The following SH2D4A variants were observed in gnomAD, a reference collection of about 807,000 sequenced individuals.
SH2D4A encodes SH2 domain-containing protein 4A.
In SH2D4A, 70 loss-of-function variants were observed where a neutral mutation model predicts 64.7. That is an observed-to-expected ratio of 1.08 (90% CI 0.89 to 1.32). The LOEUF (loss-of-function observed/expected upper bound fraction) is 1.32. SH2D4A is among the 40% of genes most tolerant of loss of function. The probability of loss-of-function intolerance (pLI) is 0.00; values close to 1 mark genes in which losing one functional copy is unlikely to be tolerated. For missense variants in SH2D4A, 706 were observed against 540.1 expected, an observed-to-expected ratio of 1.31 and a Z score of -3.04; for synonymous variants, 268 against 200.7, an observed-to-expected ratio of 1.34 and a Z score of -2.83.
chr8:19,319,878 A>G (rs974215821), intron 2 of SH2D4A, 150 bp downstream of exon 2: 8 of 694,458 alleles, frequency 1.2e-5, no homozygotes, highest in African/African-American at 1.8e-5. Flanking sequence ...ATAGTGCAGT[A>G]TGTCCACCTG....
At chr8:19,314,337 G>A (rs938099508) in intron 1 of SH2D4A, among the ~76,000 whole-genome samples, 3 of 152,154 alleles carry the variant, frequency 2.0e-5, no homozygotes, top group Admixed American at 6.5e-5. Context: ...AACGGTGGCA[G>A]CTGGCGCAGC....
rs1379484545 is a variant in SH2D4A, at chr8:19,395,572, G to C, written c.*930G>C. The C allele has an allele frequency of 6.6e-6, 1 of 152,212 alleles. No homozygotes were observed. Among genetic ancestry groups the C allele is most frequent in the Non-Finnish European group, 1.5e-5 (1 of 68,074 alleles). 9.4% of individuals were successfully genotyped at this position (152,212 alleles called of 1,614,324 possible). The stretch of plus-strand genomic sequence containing the variant: ...CCAAATCCAATGACTGGCATCCTTA[G>C]GAGAAGAGAGAGTTTTGGTAATAGA... On this transcript the variant is annotated 3_prime_UTR_variant, in exon 10 of 10. Transcript: ENST00000265807.
chr8:19,329,652 G>A (rs2052340006), intron 2 of SH2D4A, among the ~76,000 whole-genome samples: 1 of 152,198 alleles, frequency 6.6e-6, no homozygotes, highest in South Asian at 2.1e-4. Flanking sequence ...GGGACCTGGT[G>A]GGAGGCAATT....
Position 19,355,047 on chromosome 8 carries a change from GA to G in SH2D4A, c.514-2149del, listed in dbSNP as rs1440712170. 3.3e-5 allele frequency among the ~76,000 whole-genome samples: 5 copies of G among 152,132 alleles called. No homozygotes were observed. The East Asian group carries it at 9.7e-4, about 29-fold the overall frequency. Reference sequence around the variant, plus strand: ...GTATCCTTTTATAATATTAAAATGAGAAAAAAATGAAAGTATGATAAGTAGC... The same window carrying G: ...GTATCCTTTTATAATATTAAAATGAGAAAAAATGAAAGTATGATAAGTAGC... On this transcript the variant is annotated intron_variant, in intron 4 of 9. Transcript: ENST00000265807.
At chr8:19,323,779 T>C (rs1239179029) in intron 2 of SH2D4A, among the ~76,000 whole-genome samples, 1 of 152,222 alleles carries the variant, frequency 6.6e-6, no homozygotes, top group Non-Finnish European at 1.5e-5. Context: ...CAGCATTCAA[T>C]ACGCTTAACT....
chr8:19,323,260 A>G (rs1032228561), intron 2 of SH2D4A, among the ~76,000 whole-genome samples: 2 of 152,156 alleles, frequency 1.3e-5, no homozygotes, highest in Non-Finnish European at 2.9e-5. Context: ...CGGATTTCAA[A>G]GACTTGGTAG....
chr8:19,338,920 A>T lies in SH2D4A; in HGVS notation c.513+4063A>T, dbSNP rs538072369. ...TAGGATAGACGTATATATGAAAGGGAGTTTATTAAGGAGTATTGACTCACA... is the reference window on the plus strand; with the variant it reads ...TAGGATAGACGTATATATGAAAGGGTGTTTATTAAGGAGTATTGACTCACA... On this transcript the variant is annotated intron_variant, in intron 4 of 9. Coordinates refer to ENST00000265807, the MANE Select transcript of SH2D4A (RefSeq NM_022071.4). Among the ~76,000 whole-genome samples the T allele has an allele frequency of 1.4e-4, 21 of 152,244 alleles. No homozygotes were observed. The East Asian group carries it at 3.5e-3, about 25-fold the overall frequency.
intron 4 of SH2D4A, among the ~76,000 whole-genome samples, chr8:19,351,490 C>T (rs2052704067): frequency 6.6e-6 from 1 of 152,048 alleles, no homozygotes; most frequent in South Asian, 2.1e-4. Context: ...GTAGTCCCAG[C>T]TACTCGGGAG....
chr8:19,329,276 T>C (rs2052333159), intron 2 of SH2D4A, among the ~76,000 whole-genome samples: 1 of 152,218 alleles, frequency 6.6e-6, no homozygotes, highest in East Asian at 1.9e-4. Context: ...CTCACTGGAC[T>C]TAGTAGAAAA....
rs1585154051 is a variant in SH2D4A at position 19,334,394 on chromosome 8, G to C, written c.342-292G>C. Among the ~76,000 whole-genome samples, 5 of 152,282 alleles carry C rather than the reference G, an allele frequency of 3.3e-5. No homozygotes were observed. The East Asian group carries it at 9.7e-4, about 29-fold the overall frequency. On this transcript the variant is annotated intron_variant, in intron 3 of 9. Transcript: ENST00000265807. ...TAGGTTAACTTCTAAACCAGGAGTT[G>C]AGCAGACCAGGGTTCAGATCTTGGC...
At chr8:19,330,908 G>C (rs548603526) in intron 2 of SH2D4A, among the ~76,000 whole-genome samples, 3 of 152,322 alleles carry the variant, frequency 2.0e-5, no homozygotes, top group South Asian at 2.1e-4. Context: ...CAAACCATCT[G>C]GCATTATGTC....
chr8:19,355,593 C>A (rs2052779640), intron 4 of SH2D4A, among the ~76,000 whole-genome samples: 1 of 152,190 alleles, frequency 6.6e-6, no homozygotes, highest in Admixed American at 6.5e-5. Context: ...GTGGAAAAAG[C>A]ATAAACTCTG....
Position 19,373,516 on chromosome 8 carries a change from T to G in SH2D4A, c.918-14T>G, listed in dbSNP as rs1394258074. 1 of 1,564,276 alleles carries G rather than the reference T, an allele frequency of 6.4e-7. No homozygotes were observed. The stretch of plus-strand genomic sequence containing the variant: ...TTAGTTAAATCTAACTTGAAAAACT[T>G]TTATAAATAACAGAAATCAGGGAGT... On this transcript the variant is annotated splice_polypyrimidine_tract_variant and intron_variant, in intron 7 of 9. Transcript: ENST00000265807.
intron 4 of SH2D4A, among the ~76,000 whole-genome samples, chr8:19,346,220 C>A (rs911939757): frequency 1.3e-5 from 2 of 152,200 alleles, no homozygotes; most frequent in Non-Finnish European, 2.9e-5. Flanking sequence ...AAGGCAGGAG[C>A]CCCTATCCCT....
At chr8:19,361,780 T>C (rs2052893067) in intron 6 of SH2D4A, among the ~76,000 whole-genome samples, 1 of 152,174 alleles carries the variant, frequency 6.6e-6, no homozygotes, top group South Asian at 2.1e-4. Flanking sequence ...TGAATGTTTT[T>C]CTTGTAATTT....
At chr8:19,352,907 G>A (rs570390750) in intron 4 of SH2D4A, among the ~76,000 whole-genome samples, 1 of 152,252 alleles carries the variant, frequency 6.6e-6, no homozygotes, top group East Asian at 1.9e-4. Context: ...TACTTTGGGG[G>A]ACTGAGGTGG....
intron 2 of SH2D4A, 21 bp downstream of exon 2, chr8:19,319,749 T>A: frequency 6.5e-7 from 1 of 1,543,572 alleles, no homozygotes; most frequent in Non-Finnish European, 8.7e-7. Context: ...CCACGTTTCT[T>A]CTGTGGATGT....
chr8:19,370,360 G>A (rs897221466), intron 7 of SH2D4A, among the ~76,000 whole-genome samples: 1 of 151,956 alleles, frequency 6.6e-6, no homozygotes, highest in East Asian at 1.9e-4. Flanking sequence ...TACTATTGTT[G>A]TATTGCAGTC....
rs773802851 is a variant in SH2D4A at position 19,394,533 on chromosome 8, T to C, written c.1273-17T>C. On this transcript the variant is annotated splice_polypyrimidine_tract_variant and intron_variant, in intron 9 of 9. Coordinates refer to ENST00000265807, the MANE Select transcript of SH2D4A (RefSeq NM_022071.4). ...TCACTACTTACACTATCTGACCCCG[T>C]GCCTTCTGATTGACAGGAGGAACCC... 4.4e-6 allele frequency: 7 copies of C among 1,587,248 alleles called. No homozygotes were observed. Among genetic ancestry groups the C allele is most frequent in the Non-Finnish European group, 6.0e-6 (7 of 1,161,306 alleles).
Sources: allele counts gnomAD v4.1 joint callset (sites outside exome capture counted in the v4.1 genomes callset), GRCh38; gene constraint gnomAD v4.1.1; transcripts MANE v1.5; gene names NCBI Gene and HGNC (gene_info 2026-07-23, HGNC 2026-07-21).